The following DARS2 variants were observed in gnomAD, a reference collection of about 807,000 sequenced individuals.
DARS2 encodes aspartyl-tRNA synthetase 2, mitochondrial.
DARS2 carries 63 observed loss-of-function variants against 83.0 expected under a neutral mutation model. The ratio of observed to expected loss-of-function variants is 0.76; its 90% CI spans 0.62 to 0.94. The LOEUF is 0.94. DARS2 is among the 40% of genes least tolerant of loss of function. The probability of loss-of-function intolerance (pLI) is 0.00; values close to 1 mark genes in which losing one functional copy is unlikely to be tolerated. For synonymous variants in DARS2, 250 were observed against 269.3 expected (o/e 0.93, Z 0.70); for missense variants, 675 against 774.4 (o/e 0.87, Z 1.52).
At chr1:173,837,176 T>A (rs1157827797) in intron 8 of DARS2, 130 bp downstream of exon 8, 10 of 821,862 alleles carry the variant, frequency 1.2e-5, no homozygotes, top group Non-Finnish European at 1.8e-5. Flanking sequence ...AGAATACTTA[T>A]AAAATGCCCT....
chr1:173,825,456 AT>A, intron 1 of DARS2, 100 bp downstream of exon 1: 7 of 201,014 alleles, frequency 3.5e-5, no homozygotes, highest in Non-Finnish European at 4.4e-5. Flanking sequence ...CCCCATTATT[AT>A]TATTATTATT....
rs916173833 is a variant in DARS2, at chr1:173,838,081, G to A, written c.771-109G>A. 75 of 919,580 alleles carry A rather than the reference G, an allele frequency of 8.2e-5. No individual in the cohort carries two copies. The African/African-American group carries it at 9.7e-4, about 12-fold the overall frequency. 57.0% of individuals were successfully genotyped at this position (919,580 alleles called of 1,614,324 possible). On this transcript the variant is annotated intron_variant, in intron 8 of 16. Coordinates refer to ENST00000649689, the MANE Select transcript of DARS2 (RefSeq NM_018122.5). ...AGCCGCCATGCCCGGCCCTTCTTACGTTTTTTAAGTATCATTGTTTTATAG... is the reference window on the plus strand; with the variant it reads ...AGCCGCCATGCCCGGCCCTTCTTACATTTTTTAAGTATCATTGTTTTATAG...
In DARS2 at chr1:173,842,317, T is replaced by TTTTTTTTTTTTTTTTG. The variant is rs1304745729; in HGVS notation, c.1128+1344_1128+1345insTTTTTTTTTTTTTTTG. On this transcript the variant is annotated intron_variant, in intron 11 of 16. Coordinates refer to ENST00000649689, the MANE Select transcript of DARS2 (RefSeq NM_018122.5). ...TTTTTTTTTTTTTTTTTTTTTTTTT[T>TTTTTTTTTTTTTTTTG]AGAGTGAGTCTTGCTCTGTCGCCCA... 2.0e-4 allele frequency among the ~76,000 whole-genome samples: 23 copies of TTTTTTTTTTTTTTTTG among 116,628 alleles called. 4 individuals are homozygous for TTTTTTTTTTTTTTTTG. Among genetic ancestry groups the TTTTTTTTTTTTTTTTG allele is most frequent in the African/African-American group, 8.5e-4 (20 of 23,540 alleles). The allele number at this position is 116,628 out of a possible 152,430, so 76.5% of individuals were successfully genotyped here. A position where few individuals can be genotyped will look rare whatever the true frequency, so the allele number is the denominator to read the frequency against.
chr1:173,858,054 A>G lies in DARS2; in HGVS notation c.*349A>G. 1 of 296,938 alleles carries G rather than the reference A, an allele frequency of 3.4e-6. No individual in the cohort carries two copies. Among genetic ancestry groups the G allele is most frequent in the Non-Finnish European group, 6.6e-6 (1 of 152,328 alleles). The allele number at this position is 296,938 out of a possible 1,614,324, so 18.4% of individuals were successfully genotyped here. ...ATTCACTTAGGACAGAGGTAATCAA[A>G]TTATGTGTGAAATGTAGGAAAATGC... On this transcript the variant is annotated 3_prime_UTR_variant, in exon 17 of 17. Coordinates refer to ENST00000649689, the MANE Select transcript of DARS2 (RefSeq NM_018122.5).
At chr1:173,831,918 C>T (rs1280822815) in intron 5 of DARS2, among the ~76,000 whole-genome samples, 2 of 152,060 alleles carry the variant, frequency 1.3e-5, no homozygotes, top group Admixed American at 6.6e-5. Flanking sequence ...TCAAGTTTTT[C>T]GTTGCTATTG....
chr1:173,852,341 G>C (rs909990660), intron 13 of DARS2: 38 of 687,380 alleles, frequency 5.5e-5, no homozygotes, highest in Non-Finnish European at 6.3e-5. Flanking sequence ...TAATCCTCAT[G>C]CCAACCCTAT....
At chr1:173,833,205 T>C (rs1447630226) in intron 5 of DARS2, among the ~76,000 whole-genome samples, 171 bp from the exon 6 acceptor site, 1 of 152,192 alleles carries the variant, frequency 6.6e-6, no homozygotes, top group Non-Finnish European at 1.5e-5. Context: ...ATGTAAAATC[T>C]GCACTGATGA....
At chr1:173,842,184 T>G (rs1266171013) in intron 11 of DARS2, among the ~76,000 whole-genome samples, 1 of 151,776 alleles carries the variant, frequency 6.6e-6, no homozygotes, top group Non-Finnish European at 1.5e-5. Context: ...CCAGTTATAT[T>G]TTAAATAAGA....
rs543077347 is a variant in DARS2, at chr1:173,850,484, G to C, written c.1344+5G>C. ...GCTGGAGAGCACAATAAAGCAGTAA[G>C]AAAAATTACTTCCAAGCATCAGTGC... On this transcript the variant is annotated splice_donor_5th_base_variant and intron_variant, in intron 13 of 16. Coordinates refer to ENST00000649689, the MANE Select transcript of DARS2 (RefSeq NM_018122.5). The C allele has an allele frequency of 6.2e-7, 1 of 1,612,460 alleles. No homozygotes were observed. The highest frequency in any genetic ancestry group is 1.1e-5 in the South Asian group (1 of 90,966).
intron 15 of DARS2, among the ~76,000 whole-genome samples, 163 bp from the exon 16 acceptor site, chr1:173,856,503 T>C (rs1169551341): frequency 6.6e-6 from 1 of 152,260 alleles, no homozygotes; most frequent in Non-Finnish European, 1.5e-5. Flanking sequence ...TCACTTAAGG[T>C]AATTTTTTCT....
At position 173,857,975 on chromosome 1, in the gene DARS2, A is replaced by C. The variant is rs1347940155; in HGVS notation, c.*270A>C. ...GTGAAAGATGGTTCTTTGTTGAAAT[A>C]ATATAGTGGTTTAGTGTTTTCAAAT... On this transcript the variant is annotated 3_prime_UTR_variant, in exon 17 of 17. Coordinates refer to ENST00000649689, the MANE Select transcript of DARS2 (RefSeq NM_018122.5). 2 of 452,116 alleles carry C rather than the reference A, an allele frequency of 4.4e-6. No individual in the cohort carries two copies. Among genetic ancestry groups the C allele is most frequent in the Non-Finnish European group, 8.2e-6 (2 of 244,858 alleles). 28.0% of individuals were successfully genotyped at this position (452,116 alleles called of 1,614,324 possible).
chr1:173,855,269 A>C (rs1398685593), intron 15 of DARS2, among the ~76,000 whole-genome samples: 2 of 151,824 alleles, frequency 1.3e-5, no homozygotes, highest in African/African-American at 4.8e-5. Flanking sequence ...ACACCCGGCT[A>C]TTTTGTATTT....
chr1:173,841,386 A>T (rs1653203246), intron 11 of DARS2, among the ~76,000 whole-genome samples: 1 of 152,172 alleles, frequency 6.6e-6, no homozygotes, highest in South Asian at 2.1e-4. Flanking sequence ...TGAAAAAAAA[A>T]AAAGTAGGTA....
At chr1:173,833,998 G>A (rs1375576767) in intron 6 of DARS2, among the ~76,000 whole-genome samples, 1 of 152,046 alleles carries the variant, frequency 6.6e-6, no homozygotes, top group Non-Finnish European at 1.5e-5. Context: ...CTGGGTTTAA[G>A]CAATCCTCCC....
chr1:173,837,521 G>C (rs1653048600), intron 8 of DARS2, among the ~76,000 whole-genome samples: 1 of 152,164 alleles, frequency 6.6e-6, no homozygotes, highest in Non-Finnish European at 1.5e-5. Flanking sequence ...AGCACAGAAA[G>C]TCTCAAGTGT....
chr1:173,835,407 A>T (rs993040119), intron 7 of DARS2, among the ~76,000 whole-genome samples: 2 of 147,122 alleles, frequency 1.4e-5, no homozygotes, highest in Non-Finnish European at 3.0e-5. Context: ...TTGGTTCTTT[A>T]AGAACAAATC....
intron 12 of DARS2, among the ~76,000 whole-genome samples, chr1:173,846,349 C>T (rs1271583557): frequency 1.3e-5 from 2 of 151,984 alleles, no homozygotes; most frequent in Non-Finnish European, 2.9e-5. Flanking sequence ...TAAATATTAG[C>T]TGGGCATAGT....
chr1:173,842,317 T>TTTTTTTTTTTTTTTTTTTTG lies in DARS2; in HGVS notation c.1128+1344_1128+1345insTTTTTTTTTTTTTTTTTTTG, dbSNP rs1304745729. ...TTTTTTTTTTTTTTTTTTTTTTTTT[T>TTTTTTTTTTTTTTTTTTTTG]AGAGTGAGTCTTGCTCTGTCGCCCA... On this transcript the variant is annotated intron_variant, in intron 11 of 16. Transcript: ENST00000649689. Among the ~76,000 whole-genome samples the TTTTTTTTTTTTTTTTTTTTG allele has an allele frequency of 2.4e-4, 28 of 116,628 alleles. 8 individuals are homozygous for TTTTTTTTTTTTTTTTTTTTG. Among genetic ancestry groups the TTTTTTTTTTTTTTTTTTTTG allele is most frequent in the African/African-American group, 1.1e-3 (26 of 23,540 alleles). The allele number at this position is 116,628 out of a possible 152,430, so 76.5% of individuals were successfully genotyped here. A position where few individuals can be genotyped will look rare whatever the true frequency, so the allele number is the denominator to read the frequency against.
Position 173,833,352 on chromosome 1 carries a change from A to T in DARS2, c.493-24A>T, listed in dbSNP as rs748876493. ...TTCTAATATTGAAAAATATTTAAAT[A>T]TAAAAATCTTTCAATTTCTTTAGAA... is the stretch of plus-strand genomic sequence containing the variant. On this transcript the variant is annotated intron_variant, in intron 5 of 16. Transcript: ENST00000649689. 46 of 1,526,522 alleles carry T rather than the reference A, an allele frequency of 3.0e-5. No homozygotes were observed. In the East Asian group the frequency reaches 1.1e-3, roughly 37 times the overall value. 94.6% of individuals were successfully genotyped at this position (1,526,522 alleles called of 1,614,324 possible).
Sources: gnomAD v4.1 joint callset for allele counts (sites outside exome capture counted in the v4.1 genomes callset) on GRCh38, gnomAD v4.1.1 for gene constraint, MANE v1.5 for transcripts, NCBI Gene and HGNC (gene_info 2026-07-23, HGNC 2026-07-21) for gene names.